The following CAMKMT variants were observed in gnomAD, a reference collection of about 807,000 sequenced individuals.
The protein encoded by CAMKMT is calmodulin-lysine N-methyltransferase.
CAMKMT carries 53 observed loss-of-function variants against 48.0 expected under a neutral mutation model. The observed-to-expected ratio is 1.10, with a 90% confidence interval of 0.89 to 1.39. The LOEUF (loss-of-function observed/expected upper bound fraction) is 1.39. Ranked by LOEUF, CAMKMT falls within the 40% of genes most tolerant of loss-of-function variation. CAMKMT has a pLI of 0.00. For missense variants in CAMKMT, 428 were observed against 402.7 expected (o/e 1.06, Z -0.54); for synonymous variants, 165 against 152.3 (o/e 1.08, Z -0.61).
intron 3 of CAMKMT, among the ~76,000 whole-genome samples, chr2:44,516,447 T>G (rs1377112479): frequency 6.6e-6 from 1 of 152,170 alleles, no homozygotes; most frequent in Non-Finnish European, 1.5e-5. Context: ...TACTGCCTAG[T>G]GAATATAACT....
chr2:44,401,430 GC>G (rs1443413594), intron 3 of CAMKMT, among the ~76,000 whole-genome samples: 1 of 151,978 alleles, frequency 6.6e-6, no homozygotes, highest in African/African-American at 2.4e-5. Flanking sequence ...GGTGGCGGAC[GC>G]CTGTAGTCTT....
chr2:44,706,555 A>G (rs1049645100), intron 5 of CAMKMT, among the ~76,000 whole-genome samples: 5 of 151,802 alleles, frequency 3.3e-5, no homozygotes, highest in Admixed American at 6.6e-5. Flanking sequence ...AGTGTAGTCA[A>G]TATTGCTTGT....
At chr2:44,737,138 C>T (rs1158460287) in intron 7 of CAMKMT, among the ~76,000 whole-genome samples, 1 of 151,714 alleles carries the variant, frequency 6.6e-6, no homozygotes, top group East Asian at 1.9e-4. Flanking sequence ...GTTTTAGAGA[C>T]AGAGTCTCAC....
At chr2:44,466,721 A>T (rs1207671216) in intron 3 of CAMKMT, among the ~76,000 whole-genome samples, 1 of 152,206 alleles carries the variant, frequency 6.6e-6, no homozygotes, top group Non-Finnish European at 1.5e-5. Flanking sequence ...AACAAAACTA[A>T]GATGGCTTTT....
chr2:44,480,303 C>T (rs1668901476), intron 3 of CAMKMT, among the ~76,000 whole-genome samples: 1 of 152,172 alleles, frequency 6.6e-6, no homozygotes, highest in African/African-American at 2.4e-5. Context: ...GGGTCACTTG[C>T]ACACACATAC....
chr2:44,586,700 C>T (rs1338421212), intron 3 of CAMKMT, among the ~76,000 whole-genome samples: 1 of 152,120 alleles, frequency 6.6e-6, no homozygotes, highest in East Asian at 1.9e-4. Flanking sequence ...GTATATTTAT[C>T]CATTTATCCA....
At chr2:44,420,916 T>G (rs1232763828) in intron 3 of CAMKMT, among the ~76,000 whole-genome samples, 1 of 152,088 alleles carries the variant, frequency 6.6e-6, no homozygotes, top group Non-Finnish European at 1.5e-5. Context: ...TTTCAGAGCT[T>G]TTCGCTATTG....
At chr2:44,504,270 C>G (rs1353597837) in intron 3 of CAMKMT, among the ~76,000 whole-genome samples, 1 of 152,114 alleles carries the variant, frequency 6.6e-6, no homozygotes, top group Non-Finnish European at 1.5e-5. Flanking sequence ...CCCCAGAATC[C>G]TAGAAGATAA....
chr2:44,362,182 G>T, intron 1 of CAMKMT, 37 bp downstream of exon 1: 1 of 1,426,564 alleles, frequency 7.0e-7, no homozygotes, highest in South Asian at 1.4e-5. Flanking sequence ...TTTGCCTCTG[G>T]TCACTCCTCT....
chr2:44,408,889 A>G (rs936322378), intron 3 of CAMKMT, among the ~76,000 whole-genome samples: 1 of 151,722 alleles, frequency 6.6e-6, no homozygotes, highest in Middle Eastern at 3.4e-3. Flanking sequence ...CTACAGGTGC[A>G]CACCACCACA....
At chr2:44,677,935 G>T (rs1305053056) in intron 3 of CAMKMT, among the ~76,000 whole-genome samples, 1 of 152,008 alleles carries the variant, frequency 6.6e-6, no homozygotes, top group Non-Finnish European at 1.5e-5. Flanking sequence ...CCAGTTAATG[G>T]TGTCACTAAG....
chr2:44,743,737 T>G (rs776096234), intron 8 of CAMKMT, 41 bp downstream of exon 8: 1 of 1,528,276 alleles, frequency 6.5e-7, no homozygotes, highest in East Asian at 2.3e-5. Flanking sequence ...TAGAAAAAAA[T>G]AGCTTTGCTG....
In CAMKMT at chr2:44,508,404, C is replaced by A. The variant is rs149539535; in HGVS notation, c.376+118099C>A. 3.3e-3 allele frequency among the ~76,000 whole-genome samples: 509 copies of A among 152,250 alleles called. 4 individuals carry two copies. The highest frequency in any genetic ancestry group is 0.012 in the African/African-American group (488 of 41,534). ...AGCAAGGGAGTGAGTAGGCAGTATACCTATAGGTATAGAACCAGTTACAGG... is the reference window on the plus strand; with the variant it reads ...AGCAAGGGAGTGAGTAGGCAGTATAACTATAGGTATAGAACCAGTTACAGG... On this transcript the variant is annotated intron_variant, in intron 3 of 10. Transcript: ENST00000378494.
chr2:44,757,403 C>T (rs1274825138), intron 9 of CAMKMT, among the ~76,000 whole-genome samples: 2 of 152,174 alleles, frequency 1.3e-5, no homozygotes, highest in African/African-American at 2.4e-5. Flanking sequence ...AGCTTAGGCC[C>T]AAATCTGGTC....
chr2:44,668,529 C>G (rs1447967230), intron 3 of CAMKMT, among the ~76,000 whole-genome samples: 1 of 152,160 alleles, frequency 6.6e-6, no homozygotes, highest in Admixed American at 6.5e-5. Context: ...CTCTAGCTAT[C>G]TTGTTTCTCT....
intron 3 of CAMKMT, among the ~76,000 whole-genome samples, chr2:44,463,757 G>A (rs1157340015): frequency 6.6e-6 from 1 of 152,136 alleles, no homozygotes; most frequent in Non-Finnish European, 1.5e-5. Context: ...CTCTAATTGG[G>A]AATTTACATG....
chr2:44,430,622 C>A (rs1004573903), intron 3 of CAMKMT, among the ~76,000 whole-genome samples: 4 of 151,984 alleles, frequency 2.6e-5, no homozygotes, highest in African/African-American at 4.8e-5. Context: ...CATTGCTCCT[C>A]CCAGGCCCCC....
At chr2:44,594,974 C>A (rs891207492) in intron 3 of CAMKMT, among the ~76,000 whole-genome samples, 2 of 151,914 alleles carry the variant, frequency 1.3e-5, no homozygotes, top group African/African-American at 4.8e-5. Context: ...AAAAAACAAC[C>A]CCATCAAAAA....
rs538056013 is a variant in CAMKMT, at chr2:44,558,127, T to A, written c.377-146156T>A. ...TGGAGTGCAGTGATGTCAATATAGC[T>A]CACTGCAGCCTCGAACTCCTGGGCT... On this transcript the variant is annotated intron_variant, in intron 3 of 10. Transcript: ENST00000378494. 2.8e-4 allele frequency among the ~76,000 whole-genome samples: 43 copies of A among 152,280 alleles called. No homozygotes were observed. The Middle Eastern group carries it at 0.014, about 48-fold the overall frequency.
Sources: gnomAD v4.1 joint callset for allele counts (sites outside exome capture counted in the v4.1 genomes callset) on GRCh38, gnomAD v4.1.1 for gene constraint, MANE v1.5 for transcripts, NCBI Gene and HGNC (gene_info 2026-07-23, HGNC 2026-07-21) for gene names.